Variants in ANKMY2 observed in about 807,000 individuals in gnomAD.
ANKMY2 encodes the protein ankyrin repeat and MYND domain-containing protein 2.
Under a neutral mutation model 50.4 loss-of-function variants are expected in ANKMY2, and 36 were observed. The ratio of observed to expected loss-of-function variants is 0.71; its 90% confidence interval spans 0.55 to 0.94. The LOEUF is 0.94. Among genes scored for constraint, ANKMY2 ranks in the 40% least tolerant of loss-of-function variants. The pLI is 0.00. For missense variants in ANKMY2, 565 were observed against 524.0 expected, an observed-to-expected ratio of 1.08 and a Z score of -0.76; for synonymous variants, 187 against 178.8, an observed-to-expected ratio of 1.05 and a Z score of -0.36.
At chr7:16,608,356 G>C (rs977126986) in intron 7 of ANKMY2, among the ~76,000 whole-genome samples, 3 of 152,180 alleles carry the variant, frequency 2.0e-5, no homozygotes, top group Non-Finnish European at 4.4e-5. Flanking sequence ...AGAAACTCTT[G>C]AAAATAGGGG....
chr7:16,645,123 C>T (rs375195915), intron 1 of ANKMY2, among the ~76,000 whole-genome samples: 1 of 152,136 alleles, frequency 6.6e-6, no homozygotes, highest in East Asian at 1.9e-4. Flanking sequence ...GTCATTTAGA[C>T]ACCCGCCTAA....
At chr7:16,641,910 A>C (rs1781751303) in intron 1 of ANKMY2, among the ~76,000 whole-genome samples, 1 of 152,194 alleles carries the variant, frequency 6.6e-6, no homozygotes, top group Non-Finnish European at 1.5e-5. Context: ...GAAGTTAGTG[A>C]CAGATCACAA....
At chr7:16,644,164 G>T (rs1781782696) in intron 1 of ANKMY2, among the ~76,000 whole-genome samples, 1 of 152,186 alleles carries the variant, frequency 6.6e-6, no homozygotes, top group Non-Finnish European at 1.5e-5. Context: ...TTGCATGTTT[G>T]CTTAATTGAA....
intron 6 of ANKMY2, among the ~76,000 whole-genome samples, chr7:16,610,274 G>A (rs1360601742): frequency 1.3e-5 from 2 of 152,136 alleles, no homozygotes; most frequent in African/African-American, 4.8e-5. Flanking sequence ...TTCTCGCGGT[G>A]TGATCTTACA....
At chr7:16,619,077 G>A (rs1309522215) in intron 4 of ANKMY2, among the ~76,000 whole-genome samples, 1 of 151,898 alleles carries the variant, frequency 6.6e-6, no homozygotes, top group Non-Finnish European at 1.5e-5. Context: ...GCAGGCAGCA[G>A]GTAGAAATAT....
intron 4 of ANKMY2, among the ~76,000 whole-genome samples, chr7:16,623,465 ATT>A (rs754542743): frequency 1.3e-5 from 2 of 152,054 alleles, no homozygotes; most frequent in African/African-American, 2.4e-5. Flanking sequence ...ATCTTGGGAA[ATT>A]TTTTTACCTG....
chr7:16,636,749 A>C lies in ANKMY2; in HGVS notation c.68-294T>G, dbSNP rs116100245. 9.1e-3 allele frequency among the ~76,000 whole-genome samples: 1,388 copies of C among 152,168 alleles called. 24 individuals are homozygous for C. The highest frequency in any genetic ancestry group is 0.031 in the African/African-American group (1,299 of 41,424). On this transcript the variant is annotated intron_variant, in intron 1 of 9. Transcript: ENST00000306999. ...GGCGGTAATACAATAACCACAAAGC[A>C]TAAGACTTAATACTGAAAAAAAATC...
intron 7 of ANKMY2, among the ~76,000 whole-genome samples, chr7:16,605,241 C>T (rs1781134648): frequency 6.6e-6 from 1 of 152,122 alleles, no homozygotes; most frequent in Non-Finnish European, 1.5e-5. Context: ...TTATAGGGCA[C>T]ATCAAAAATG....
intron 4 of ANKMY2, among the ~76,000 whole-genome samples, chr7:16,616,402 C>T (rs1781349231): frequency 6.6e-6 from 1 of 151,866 alleles, no homozygotes; most frequent in South Asian, 2.1e-4. Context: ...AGCTTGCCCT[C>T]TTTGTGAAAT....
chr7:16,626,488 T>C (rs138232932), intron 3 of ANKMY2, among the ~76,000 whole-genome samples: 136 of 152,316 alleles, frequency 8.9e-4, no homozygotes, highest in African/African-American at 2.7e-3. Flanking sequence ...TAGATTATTA[T>C]CTTCAAAGTA....
intron 2 of ANKMY2, among the ~76,000 whole-genome samples, chr7:16,634,345 G>A (rs892938961): frequency 2.6e-5 from 4 of 152,126 alleles, no homozygotes; most frequent in African/African-American, 9.7e-5. Context: ...GAAAGCAACT[G>A]AATTGGCTCC....
rs1781235810 is a variant in ANKMY2, at chr7:16,610,751, C to T, written c.544G>A (p.Val182Ile). The part of the protein sequence containing the change: ...NLHPVKIVML[V>I]NENPLLTEEA... The stretch of plus-strand genomic sequence containing the variant: ...TCTGTCAGCAGAGGATTCTCATTTA[C>T]AAGCATCACGATCTAGAGGAAATCC... The change falls in exon 6 of 10, where the codon GTA (valine) becomes ATA (isoleucine). Residue 182 changes from valine to isoleucine, a missense_variant. Transcript: ENST00000306999. 1 of 1,613,706 alleles carries T rather than the reference C, an allele frequency of 6.2e-7. No individual in the cohort carries two copies. Among genetic ancestry groups the T allele is most frequent in the African/African-American group, 1.3e-5 (1 of 75,036 alleles).
intron 1 of ANKMY2, among the ~76,000 whole-genome samples, chr7:16,642,303 G>A (rs1348204233): frequency 6.6e-6 from 1 of 152,094 alleles, no homozygotes; most frequent in East Asian, 1.9e-4. Flanking sequence ...TAGAAGAATG[G>A]GTAACTCTAC....
At chr7:16,614,364 C>T (rs1280393713) in intron 5 of ANKMY2, among the ~76,000 whole-genome samples, 1 of 152,236 alleles carries the variant, frequency 6.6e-6, no homozygotes, top group Non-Finnish European at 1.5e-5. Context: ...ACAAGTGTTG[C>T]CTCTGGCAGT....
Position 16,627,120 on chromosome 7 carries a change from A to C in ANKMY2, c.191T>G (p.Leu64Ter), listed in dbSNP as rs1411088381. ...TACATCGGCTCCATGTCGCAGTAGT[A>C]ATTTGCACATATCGAGTTTTCCTTT... is the stretch of plus-strand genomic sequence containing the variant. ...AYKGKLDMCK[L>*]LLRHGADVNC... Residue 64 changes from leucine to a stop codon, truncating the protein, a stop_gained, in exon 3 of 10, where the codon TTA becomes TGA. Transcript: ENST00000306999. LOFTEE classifies it high-confidence loss of function. 3.1e-6 allele frequency: 5 copies of C among 1,611,892 alleles called. No individual in the cohort carries two copies. The highest frequency in any genetic ancestry group is 4.2e-6 in the Non-Finnish European group (5 of 1,178,726).
At position 16,624,848 on chromosome 7, in the gene ANKMY2, T is replaced by G. The variant is rs1289054182; in HGVS notation, c.370+135A>C. On this transcript the variant is annotated intron_variant, in intron 4 of 9. Transcript: ENST00000306999. Reference sequence around the variant, plus strand: ...CAGAGTCACTAGGTGTTTCATTAAGTTACAGTGGACTGTAAATACTTAAGT... The same window carrying G: ...CAGAGTCACTAGGTGTTTCATTAAGGTACAGTGGACTGTAAATACTTAAGT... 5 of 665,608 alleles carry G rather than the reference T, an allele frequency of 7.5e-6. No individual in the cohort carries two copies. The East Asian group carries it at 1.1e-4, about 15-fold the overall frequency. The allele number at this position is 665,608 out of a possible 1,614,324, so 41.2% of individuals were successfully genotyped here.
intron 1 of ANKMY2, among the ~76,000 whole-genome samples, chr7:16,638,679 A>T (rs1489424757): frequency 6.6e-6 from 1 of 152,156 alleles, no homozygotes; most frequent in African/African-American, 2.4e-5. Context: ...GAGTTGAAAA[A>T]TTCAACCTTC....
chr7:16,612,364 T>C (rs1003282743), intron 5 of ANKMY2, among the ~76,000 whole-genome samples: 6 of 152,178 alleles, frequency 3.9e-5, no homozygotes, highest in African/African-American at 1.4e-4. Context: ...TTATACACAA[T>C]CTAGTGTTTT....
At chr7:16,617,820 A>G (rs1781377640) in intron 4 of ANKMY2, among the ~76,000 whole-genome samples, 1 of 151,426 alleles carries the variant, frequency 6.6e-6, no homozygotes, top group Admixed American at 6.6e-5. Context: ...TTAAAAAATT[A>G]GCTGGATACA....
Sources: gnomAD v4.1 joint callset for allele counts (sites outside exome capture counted in the v4.1 genomes callset) on GRCh38, gnomAD v4.1.1 for gene constraint, MANE v1.5 for transcripts, NCBI Gene and HGNC (gene_info 2026-07-23, HGNC 2026-07-21) for gene names.